SAE1: variants seen among roughly 807,000 people sequenced by gnomAD.
SAE1 encodes SUMO1 activating enzyme subunit 1.
SAE1 carries 11 observed loss-of-function variants against 40.6 expected under a neutral mutation model. The observed-to-expected ratio is 0.27, with a 90% CI of 0.17 to 0.45. The LOEUF (loss-of-function observed/expected upper bound fraction) is 0.45, where lower values mean the gene tolerates loss of function less well. Among genes scored for constraint, SAE1 ranks in the 20% least tolerant of loss-of-function variants. The probability of loss-of-function intolerance (pLI) is 1.00; values close to 1 mark genes in which losing one functional copy is unlikely to be tolerated. For synonymous variants in SAE1, 155 were observed against 154.3 expected, an observed-to-expected ratio of 1.00 and a Z score of -0.03; for missense variants, 373 against 427.3, an observed-to-expected ratio of 0.87 and a Z score of 1.12.
At chr19:47,180,562 C>T (rs1457421082) in intron 6 of SAE1, among the ~76,000 whole-genome samples, 6 of 152,130 alleles carry the variant, frequency 3.9e-5, no homozygotes, top group Admixed American at 6.6e-5. Context: ...TGCCTGGTGG[C>T]TCACCCCTAT....
chr19:47,161,873 G>A (rs756484180), intron 5 of SAE1, among the ~76,000 whole-genome samples: 1 of 152,144 alleles, frequency 6.6e-6, no homozygotes, highest in Non-Finnish European at 1.5e-5. Flanking sequence ...TGTATGCATG[G>A]TGCCACCTGC....
At position 47,155,100 on chromosome 19, in the gene SAE1, T is replaced by C. The variant is rs1260245604; in HGVS notation, c.528-14T>C. ...TAGGGTAAAATTACATTCTCTCCCC[T>C]TGTCACCCTCTAGGGAGAAAACTAA... On this transcript the variant is annotated splice_polypyrimidine_tract_variant and intron_variant, in intron 4 of 8. Coordinates refer to ENST00000270225, the MANE Select transcript of SAE1 (RefSeq NM_005500.3). The C allele has an allele frequency of 8.6e-6, 13 of 1,515,852 alleles. No individual in the cohort carries two copies. Among genetic ancestry groups the C allele is most frequent in the Non-Finnish European group, 1.2e-5 (13 of 1,091,418 alleles). The allele number at this position is 1,515,852 out of a possible 1,614,324, so 93.9% of individuals were successfully genotyped here.
intron 6 of SAE1, among the ~76,000 whole-genome samples, chr19:47,172,892 G>A (rs1007809640): frequency 3.9e-5 from 6 of 152,158 alleles, no homozygotes; most frequent in Non-Finnish European, 8.8e-5. Flanking sequence ...CCTCAGGCAA[G>A]TGCTATTAAC....
At chr19:47,132,523 C>A (rs929141381) in intron 1 of SAE1, among the ~76,000 whole-genome samples, 3 of 151,600 alleles carry the variant, frequency 2.0e-5, no homozygotes, top group Non-Finnish European at 4.4e-5. Context: ...GATCTCCCCC[C>A]ATCTCAGACT....
At chr19:47,195,897 ATT>A (rs781205345) in intron 6 of SAE1, among the ~76,000 whole-genome samples, 15 of 135,460 alleles carry the variant, frequency 1.1e-4, no homozygotes, top group African/African-American at 8.1e-5. Flanking sequence ...ACTTGGCTAA[ATT>A]TTTTTTTTTT....
Position 47,182,496 on chromosome 19 carries a change from T to TGTGTGTGCGCGC in SAE1, c.733+12574_733+12575insTGTGTGCGCGCG, listed in dbSNP as rs143321323. On this transcript the variant is annotated intron_variant, in intron 6 of 8. Coordinates refer to ENST00000270225, the MANE Select transcript of SAE1 (RefSeq NM_005500.3). ...GTGTGTGTGTGTGTGTGTGTGTGTG[T>TGTGTGTGCGCGC]GCGCGCACGCACGCGCGCGCGCACA... Among the ~76,000 whole-genome samples, 458 of 145,990 alleles carry TGTGTGTGCGCGC rather than the reference T, an allele frequency of 3.1e-3. 6 individuals are homozygous for TGTGTGTGCGCGC. Among genetic ancestry groups the TGTGTGTGCGCGC allele is most frequent in the Admixed American group, 0.025 (361 of 14,554 alleles).
chr19:47,204,499 C>CA (rs1366573729), intron 8 of SAE1, among the ~76,000 whole-genome samples: 3 of 84,494 alleles, frequency 3.6e-5, no homozygotes, highest in African/African-American at 5.1e-5. Context: ...TACCCAGCCG[C>CA]ACCCCCCCCC....
chr19:47,153,798 T>C (rs2058302834), intron 4 of SAE1, among the ~76,000 whole-genome samples: 3 of 152,170 alleles, frequency 2.0e-5, no homozygotes, highest in Non-Finnish European at 4.4e-5. Context: ...ATTATTATTA[T>C]TTTATTTTTT....
At chr19:47,131,166 T>G in intron 1 of SAE1, 138 bp downstream of exon 1, 1 of 1,412,224 alleles carries the variant, frequency 7.1e-7, no homozygotes. Flanking sequence ...CGTCTCTCTC[T>G]TGGGGGGACT....
chr19:47,150,061 A>C (rs1349194331), intron 2 of SAE1, 141 bp from the exon 3 acceptor site: 1 of 522,752 alleles, frequency 1.9e-6, no homozygotes, highest in African/African-American at 2.1e-5. Context: ...CTGGTGACAG[A>C]GCAAGACTGT....
intron 7 of SAE1, among the ~76,000 whole-genome samples, chr19:47,201,452 A>G (rs1360959214): frequency 8.4e-6 from 1 of 119,060 alleles, no homozygotes; most frequent in Non-Finnish European, 1.6e-5. Flanking sequence ...GCTTATTGCA[A>G]CCTCTGCCTC....
intron 2 of SAE1, among the ~76,000 whole-genome samples, chr19:47,148,985 ATT>A (rs113372028): frequency 6.7e-6 from 1 of 148,434 alleles, no homozygotes; most frequent in Non-Finnish European, 1.5e-5. Flanking sequence ...CACAAGTTTG[ATT>A]TTTTTTTTAA....
chr19:47,179,124 A>T (rs111945862), intron 6 of SAE1, among the ~76,000 whole-genome samples: 1 of 148,636 alleles, frequency 6.7e-6, no homozygotes, highest in African/African-American at 2.5e-5. Context: ...CCCGGGAGGC[A>T]GAGCTTGCAG....
At chr19:47,164,045 A>C (rs1196517238) in intron 5 of SAE1, among the ~76,000 whole-genome samples, 1 of 152,204 alleles carries the variant, frequency 6.6e-6, no homozygotes, top group Non-Finnish European at 1.5e-5. Context: ...TTGGGATTAC[A>C]GGCGTGAGCC....
chr19:47,167,484 C>T (rs1394837890), intron 5 of SAE1, among the ~76,000 whole-genome samples: 4 of 152,032 alleles, frequency 2.6e-5, no homozygotes, highest in African/African-American at 2.4e-5. Flanking sequence ...TTGTGATCTG[C>T]CCGCCTTGGC....
intron 2 of SAE1, among the ~76,000 whole-genome samples, chr19:47,149,917 A>T (rs2058277091): frequency 6.6e-6 from 1 of 151,902 alleles, no homozygotes; most frequent in Non-Finnish European, 1.5e-5. Context: ...CTCTACTAAA[A>T]ATACAAAAAT....
intron 1 of SAE1, among the ~76,000 whole-genome samples, chr19:47,136,492 GTC>G (rs2058180886): frequency 2.5e-5 from 3 of 118,460 alleles, no homozygotes; most frequent in African/African-American, 6.6e-5. Context: ...TTTTACCCGA[GTC>G]TTTTTTTTTT....
At chr19:47,158,404 T>C (rs74970930) in intron 5 of SAE1, among the ~76,000 whole-genome samples, 130 of 152,268 alleles carry the variant, frequency 8.5e-4, no homozygotes, top group Non-Finnish European at 1.6e-3. Flanking sequence ...AGGAGAAGAT[T>C]TGAGACGGAT....
intron 6 of SAE1, among the ~76,000 whole-genome samples, chr19:47,183,127 G>T (rs1358017533): frequency 2.0e-5 from 3 of 152,048 alleles, no homozygotes; most frequent in Non-Finnish European, 4.4e-5. Flanking sequence ...TGTTGGCCAG[G>T]CTGGTCTCAA....
Sources: allele counts gnomAD v4.1 joint callset (sites outside exome capture counted in the v4.1 genomes callset), GRCh38; gene constraint gnomAD v4.1.1; transcripts MANE v1.5; gene names NCBI Gene and HGNC (gene_info 2026-07-23, HGNC 2026-07-21).